Variants in ZFPM2 observed in about 807,000 individuals in gnomAD.
ZFPM2 encodes zinc finger protein ZFPM2.
Under a neutral mutation model 98.6 loss-of-function variants are expected in ZFPM2, and 20 were observed. The observed-to-expected ratio is 0.20, with a 90% CI of 0.14 to 0.29. ZFPM2 has a LOEUF of 0.29. ZFPM2 is among the 10% of genes least tolerant of loss of function. The pLI is 1.00. For synonymous variants in ZFPM2, 518 were observed against 502.7 expected (o/e 1.03, Z -0.41); for missense variants, 1,310 against 1,388.6 (o/e 0.94, Z 0.90).
At chr8:105,631,211 C>T (rs1816748853) in intron 4 of ZFPM2, among the ~76,000 whole-genome samples, 1 of 152,096 alleles carries the variant, frequency 6.6e-6, no homozygotes, top group Non-Finnish European at 1.5e-5. Flanking sequence ...TATTGGCTTC[C>T]CTCTGCTTAC....
In ZFPM2 at chr8:105,650,671, G is replaced by A. The variant is rs182874660; in HGVS notation, c.532+16314G>A. ...TTCAGGAGCAGGTTGTTCAGTTTCC[G>A]TGTAGTGGAGCGGTTTTTAGTGAGT... On this transcript the variant is annotated intron_variant, in intron 5 of 7. Transcript: ENST00000407775. Among the ~76,000 whole-genome samples the A allele has an allele frequency of 5.8e-4, 88 of 152,218 alleles. 1 individual carries two copies. Among genetic ancestry groups the A allele is most frequent in the African/African-American group, 2.0e-3 (82 of 41,542 alleles).
chr8:105,470,257 C>T (rs1331074033), intron 3 of ZFPM2, among the ~76,000 whole-genome samples: 2 of 152,064 alleles, frequency 1.3e-5, no homozygotes, highest in African/African-American at 4.8e-5. Flanking sequence ...AGTCAGGAGC[C>T]GGGACACCGA....
chr8:105,537,480 A>G (rs1814477682), intron 3 of ZFPM2, among the ~76,000 whole-genome samples: 1 of 152,174 alleles, frequency 6.6e-6, no homozygotes. Flanking sequence ...GTTCAAGGCT[A>G]TCCTGGACAA....
intron 3 of ZFPM2, among the ~76,000 whole-genome samples, chr8:105,488,220 C>T (rs545885933): frequency 5.3e-5 from 8 of 152,242 alleles, no homozygotes; most frequent in African/African-American, 1.7e-4. Flanking sequence ...GGCTTATATA[C>T]GAAAGGTTAT....
chr8:105,764,573 G>T (rs1812816347), intron 5 of ZFPM2, among the ~76,000 whole-genome samples: 1 of 151,546 alleles, frequency 6.6e-6, no homozygotes, highest in Admixed American at 6.6e-5. Context: ...AAAAAATGTT[G>T]TAATAAGTTT....
intron 1 of ZFPM2, among the ~76,000 whole-genome samples, chr8:105,376,039 C>T (rs1379982340): frequency 1.3e-5 from 2 of 152,018 alleles, no homozygotes; most frequent in Non-Finnish European, 2.9e-5. Context: ...TCTTTCATTT[C>T]CTCTTCTCTC....
intron 3 of ZFPM2, among the ~76,000 whole-genome samples, chr8:105,498,695 G>A (rs1055435800): frequency 2.0e-4 from 31 of 152,244 alleles, no homozygotes; most frequent in African/African-American, 7.2e-4. Context: ...GCAAAGATTC[G>A]ATGCTATGAG....
At chr8:105,691,918 A>G (rs1186017667) in intron 5 of ZFPM2, among the ~76,000 whole-genome samples, 1 of 152,250 alleles carries the variant, frequency 6.6e-6, no homozygotes, top group Non-Finnish European at 1.5e-5. Flanking sequence ...ATTAAAAACT[A>G]TAAAAATACA....
chr8:105,610,788 A>G (rs1164139254), intron 4 of ZFPM2, among the ~76,000 whole-genome samples: 2 of 152,204 alleles, frequency 1.3e-5, no homozygotes, highest in African/African-American at 2.4e-5. Context: ...TGCTCTGCAC[A>G]TGGCCTCAAA....
intron 1 of ZFPM2, among the ~76,000 whole-genome samples, chr8:105,386,731 G>T (rs10955394): frequency 0.54 from 82,236 of 151,856 alleles, 22,432 homozygotes; most frequent in Admixed American, 0.59. Context: ...GTCTCTTATC[G>T]GGCCCCACCC....
intron 3 of ZFPM2, among the ~76,000 whole-genome samples, chr8:105,455,915 G>A (rs1052666705): frequency 3.3e-5 from 5 of 152,118 alleles, no homozygotes; most frequent in African/African-American, 1.2e-4. Flanking sequence ...AAAGGTCTGG[G>A]GTAGAGATAG....
chr8:105,609,921 C>T (rs979573012), intron 4 of ZFPM2, among the ~76,000 whole-genome samples: 4 of 151,952 alleles, frequency 2.6e-5, no homozygotes, highest in Admixed American at 1.3e-4. Flanking sequence ...AATCATGTGC[C>T]CTCTGTTTTA....
Position 105,804,054 on chromosome 8 carries a change from G to C in ZFPM2, c.*516G>C, listed in dbSNP as rs995556922. ...TTCAATTCTTGGATAATCAGGCTCT[G>C]TTTGCACTTTATATTTTAGCAGATA... On this transcript the variant is annotated 3_prime_UTR_variant, in exon 8 of 8. Coordinates refer to ENST00000407775, the MANE Select transcript of ZFPM2 (RefSeq NM_012082.4). The C allele has an allele frequency of 1.7e-4, 27 of 154,450 alleles. No homozygotes were observed. Among genetic ancestry groups the C allele is most frequent in the African/African-American group, 6.3e-4 (26 of 41,426 alleles). 9.6% of individuals were successfully genotyped at this position (154,450 alleles called of 1,614,324 possible).
chr8:105,761,988 T>A (rs1451996118), intron 5 of ZFPM2, among the ~76,000 whole-genome samples: 1 of 151,982 alleles, frequency 6.6e-6, no homozygotes, highest in Non-Finnish European at 1.5e-5. Context: ...ATTCTTTTTG[T>A]ACTGCTCTTT....
chr8:105,633,642 T>C (rs1816792378), intron 4 of ZFPM2, among the ~76,000 whole-genome samples: 1 of 152,214 alleles, frequency 6.6e-6, no homozygotes, highest in East Asian at 1.9e-4. Context: ...TTTGAATTTA[T>C]TCACGATTCC....
chr8:105,618,400 ATC>A (rs1816463866), intron 4 of ZFPM2, among the ~76,000 whole-genome samples: 1 of 152,108 alleles, frequency 6.6e-6, no homozygotes, highest in Admixed American at 6.6e-5. Context: ...GGGCATAATG[ATC>A]TCTTTCATAG....
At chr8:105,530,304 G>C (rs760742167) in intron 3 of ZFPM2, among the ~76,000 whole-genome samples, 1 of 152,066 alleles carries the variant, frequency 6.6e-6, no homozygotes, top group Non-Finnish European at 1.5e-5. Flanking sequence ...GATTAGTCTG[G>C]CAACAGTCTG....
intron 3 of ZFPM2, among the ~76,000 whole-genome samples, chr8:105,528,299 T>C (rs1429501281): frequency 6.6e-6 from 1 of 152,122 alleles, no homozygotes; most frequent in Non-Finnish European, 1.5e-5. Context: ...GATATCATAA[T>C]GTTACCAGAG....
chr8:105,623,642 C>A (rs144613291), intron 4 of ZFPM2, among the ~76,000 whole-genome samples: 45 of 152,286 alleles, frequency 3.0e-4, no homozygotes, highest in African/African-American at 1.0e-3. Flanking sequence ...ATGGACACAT[C>A]TTAGCGTCTG....
Sources: allele counts gnomAD v4.1 joint callset (sites outside exome capture counted in the v4.1 genomes callset), GRCh38; gene constraint gnomAD v4.1.1; transcripts MANE v1.5; gene names NCBI Gene and HGNC (gene_info 2026-07-23, HGNC 2026-07-21).